The following KIAA1586 variants were observed in gnomAD, a reference collection of about 807,000 sequenced individuals.
The protein encoded by KIAA1586 is KIAA1586.
A neutral mutation model predicts 6.1 loss-of-function variants in KIAA1586; 5 were observed. The observed-to-expected ratio is 0.82, with a 90% CI of 0.43 to 1.73. The LOEUF (loss-of-function observed/expected upper bound fraction) is 1.73. Ranked by LOEUF, KIAA1586 falls within the 40% of genes most tolerant of loss-of-function variation. The probability of loss-of-function intolerance (pLI) is 0.02; values close to 1 mark genes in which losing one functional copy is unlikely to be tolerated. For missense variants in KIAA1586, 899 were observed against 878.2 expected, an observed-to-expected ratio of 1.02 and a Z score of -0.30; for synonymous variants, 280 against 301.7, an observed-to-expected ratio of 0.93 and a Z score of 0.75.
the KIAA1586 span, among the ~76,000 whole-genome samples, chr6:57,065,257 A>C: frequency 2.0e-5 from 3 of 151,964 alleles, no homozygotes; most frequent in African/African-American, 7.3e-5. Context: ...TTTTGTTCCT[A>C]ATTTTTCCTT....
At chr6:57,046,872 C>T in intron 1 of KIAA1586, 96 bp downstream of exon 1, 1 of 1,486,768 alleles carries the variant, frequency 6.7e-7, no homozygotes, top group Non-Finnish European at 9.1e-7. Context: ...GTCGCAGCCT[C>T]GGGGCGATAC....
rs766506918 is a variant in KIAA1586, at chr6:57,054,465, T to G, written c.1966T>G (p.Phe656Val). ...SPWIAGEKTL[F>V]HLCKILKYEV... ...ATGGATAGCTGGTGAAAAAACATTA[T>G]TTCATTTGTGTAAAATTTTAAAATA... Residue 656 changes from phenylalanine to valine, a missense_variant, in exon 4 of 4, where the codon TTT (phenylalanine) becomes GTT (valine). Transcript: ENST00000370733. 6.2e-6 allele frequency: 10 copies of G among 1,602,976 alleles called. No homozygotes were observed. Among genetic ancestry groups the G allele is most frequent in the Non-Finnish European group, 7.7e-6 (9 of 1,175,810 alleles).
Position 57,054,547 on chromosome 6 carries a change from A to G in KIAA1586, c.2048A>G (p.Asn683Ser), listed in dbSNP as rs144338352. ...GTAAATAATAATATAAAATCAAACAATGTTTCAATTCCTACAACTATATAC... is the reference window on the plus strand; with the variant it reads ...GTAAATAATAATATAAAATCAAACAGTGTTTCAATTCCTACAACTATATAC... ...EFVNNNIKSN[N>S]VSIPTTIYKA... Residue 683 changes from asparagine to serine, a missense_variant, in exon 4 of 4, where the codon AAT (asparagine) becomes AGT (serine). Coordinates refer to ENST00000370733, the MANE Select transcript of KIAA1586 (RefSeq NM_020931.4). The G allele has an allele frequency of 2.1e-4, 333 of 1,602,414 alleles. 1 individual carries two copies. The African/African-American group carries it at 2.6e-3, about 12-fold the overall frequency.
At position 57,054,118 on chromosome 6, in the gene KIAA1586, C is replaced by G. The variant is rs1438334305; in HGVS notation, c.1619C>G (p.Ser540Ter). 12 of 1,607,286 alleles carry G rather than the reference C, an allele frequency of 7.5e-6. No homozygotes were observed. The highest frequency in any genetic ancestry group is 2.2e-5 in the East Asian group (1 of 44,814). The change falls in exon 4 of 4, where the codon TCA becomes TGA. Residue 540 changes from serine to a stop codon, truncating the protein, a stop_gained. Coordinates refer to ENST00000370733, the MANE Select transcript of KIAA1586 (RefSeq NM_020931.4). LOFTEE classifies it low-confidence loss of function (END_TRUNC). Reference sequence around the variant, plus strand: ...ATTCTTGAAGAATTTTCAGTACTTTCAACTGCATTACAGTCAAGATCAACT... The same window carrying G: ...ATTCTTGAAGAATTTTCAGTACTTTGAACTGCATTACAGTCAAGATCAACT... ...IDILEEFSVL[S>*]TALQSRSTNI...
rs1828367080 is a variant in KIAA1586, at chr6:57,052,836, C to G, written c.337C>G (p.Gln113Glu). ...GGAACCACATTTCGAGTATATTGAACAACCAATCATTGAAGAAAAGCCATC... is the reference window on the plus strand; with the variant it reads ...GGAACCACATTTCGAGTATATTGAAGAACCAATCATTGAAGAAAAGCCATC... ...AKEPHFEYIE[Q>E]PIIEEKPSLS... is the part of the protein sequence containing the mutation. The change falls in exon 4 of 4, where the codon CAA becomes GAA. Residue 113 changes from glutamine to glutamate, a missense_variant. Transcript: ENST00000370733. 6.2e-7 allele frequency: 1 copy of G among 1,613,260 alleles called. No homozygotes were observed.
chr6:57,054,472 T>G lies in KIAA1586; in HGVS notation c.1973T>G (p.Leu658Trp). The change falls in exon 4 of 4, where the codon TTG (leucine) becomes TGG (tryptophan). Residue 658 changes from leucine (L) to tryptophan (W), a missense_variant. Coordinates refer to ENST00000370733, the MANE Select transcript of KIAA1586 (RefSeq NM_020931.4). ...GCTGGTGAAAAAACATTATTTCATT[T>G]GTGTAAAATTTTAAAATATGAAGTT... The part of the protein sequence containing the change: ...WIAGEKTLFH[L>W]CKILKYEVDL... 1.3e-6 allele frequency: 2 copies of G among 1,599,888 alleles called. No individual in the cohort carries two copies. Among genetic ancestry groups the G allele is most frequent in the Non-Finnish European group, 1.7e-6 (2 of 1,174,652 alleles).
chr6:57,052,867 C>A lies in KIAA1586; in HGVS notation c.368C>A (p.Ser123Ter), dbSNP rs200733855. The A allele has an allele frequency of 6.2e-7, 1 of 1,612,778 alleles. No individual in the cohort carries two copies. Reference sequence around the variant, plus strand: ...ATCATTGAAGAAAAGCCATCACTTTCATCAAAGAAAGAAATAGATAATCTT... The same window carrying A: ...ATCATTGAAGAAAAGCCATCACTTTAATCAAAGAAAGAAATAGATAATCTT... ...QPIIEEKPSL[S>*]SKKEIDNLVL... The change falls in exon 4 of 4, where the codon TCA (serine) becomes TAA (stop). Residue 123 changes from serine (S) to a stop codon, truncating the protein, a stop_gained. Coordinates refer to ENST00000370733, the MANE Select transcript of KIAA1586 (RefSeq NM_020931.4). LOFTEE classifies it low-confidence loss of function (END_TRUNC).
At chr6:57,062,244 T>C in the KIAA1586 span, among the ~76,000 whole-genome samples, 295 of 152,348 alleles carry the variant, frequency 1.9e-3, 1 homozygote, top group Non-Finnish European at 3.5e-3. Context: ...CCTAGTTTTC[T>C]TTTGGTTTTA....
chr6:57,048,576 A>G (rs1322198637), intron 2 of KIAA1586, among the ~76,000 whole-genome samples: 1 of 152,190 alleles, frequency 6.6e-6, no homozygotes, highest in Non-Finnish European at 1.5e-5. Flanking sequence ...GTTATGGAGT[A>G]AGCAACGTAA....
In KIAA1586 at chr6:57,054,804, C is replaced by T. The variant is rs147711565; in HGVS notation, c.2305C>T (p.Arg769Trp). The T allele has an allele frequency of 3.3e-4, 516 of 1,550,810 alleles. 4 individuals carry two copies. In the East Asian group the frequency reaches 8.5e-3, roughly 26 times the overall value. ...CAGGTTGGCTACAGATACAAGAGTT[C>T]GGCAAAAGTCAACAAAAGTCTTCCA... ...NHRLATDTRV[R>W]QKSTKVFHEN... The change falls in exon 4 of 4, where the codon CGG becomes TGG. Residue 769 changes from arginine (R) to tryptophan (W), a missense_variant. Physicochemically the swap from Arg to Trp is moderately radical, Grantham distance 101. Coordinates refer to ENST00000370733, the MANE Select transcript of KIAA1586 (RefSeq NM_020931.4).
Position 57,054,562 on chromosome 6 carries a change from C to A in KIAA1586, c.2063C>A (p.Thr688Lys). The A allele has an allele frequency of 6.2e-7, 1 of 1,606,794 alleles. No homozygotes were observed. The highest frequency in any genetic ancestry group is 8.5e-7 in the Non-Finnish European group (1 of 1,175,838). ...AAATCAAACAATGTTTCAATTCCTA[C>A]AACTATATACAAAGCTAAAAAGATA... is the stretch of plus-strand genomic sequence containing the variant. The part of the protein sequence containing the change: ...NIKSNNVSIP[T>K]TIYKAKKIVS... Residue 688 changes from threonine (T) to lysine (K), a missense_variant, in exon 4 of 4, where the codon ACA (threonine) becomes AAA (lysine). Coordinates refer to ENST00000370733, the MANE Select transcript of KIAA1586 (RefSeq NM_020931.4).
At chr6:57,057,069 A>T (rs1185926423), downstream of KIAA1586, among the ~76,000 whole-genome samples, 1 of 151,944 alleles carries the variant, frequency 6.6e-6, no homozygotes. Flanking sequence ...TCTACTAAAA[A>T]TACAAAAAAT....
At chr6:57,052,263 A>G (rs958907835) in intron 3 of KIAA1586, among the ~76,000 whole-genome samples, 3 of 152,224 alleles carry the variant, frequency 2.0e-5, no homozygotes, top group Non-Finnish European at 2.9e-5. Flanking sequence ...CTTTTATGGC[A>G]TTGATATTAT....
intron 1 of KIAA1586, 118 bp downstream of exon 1, chr6:57,046,894 C>G (rs1482018223): frequency 7.2e-7 from 1 of 1,380,882 alleles, no homozygotes; most frequent in African/African-American, 1.6e-5. Context: ...TCTTCAGTGT[C>G]TTGGGCCGAG....
chr6:57,046,814 C>T, intron 1 of KIAA1586, 38 bp downstream of exon 1: 1 of 1,604,642 alleles, frequency 6.2e-7, no homozygotes, highest in Non-Finnish European at 8.5e-7. Context: ...TTCTCAGAGG[C>T]GAACCGCGAA....
chr6:57,046,889 A>G, intron 1 of KIAA1586, 113 bp downstream of exon 1: 1 of 1,423,150 alleles, frequency 7.0e-7, no homozygotes, highest in South Asian at 1.3e-5. Flanking sequence ...ATACCTCTTC[A>G]GTGTCTTGGG....
rs1828413676 is a variant in KIAA1586 at position 57,053,806 on chromosome 6, A to C, written c.1307A>C (p.Gln436Pro). Residue 436 changes from glutamine (Q) to proline (P), a missense_variant, in exon 4 of 4, where the codon CAA (glutamine) becomes CCA (proline). By Grantham distance (76) the Gln-to-Pro change is moderately conservative. Coordinates refer to ENST00000370733, the MANE Select transcript of KIAA1586 (RefSeq NM_020931.4). ...SLDDSISEIK[Q>P]INHLKIFIDK... ...GATGATTCTATATCCGAAATAAAAC[A>C]AATTAATCATTTAAAAATATTTATT... 2.7e-5 allele frequency: 41 copies of C among 1,520,522 alleles called. No individual in the cohort carries two copies. Among genetic ancestry groups the C allele is most frequent in the Non-Finnish European group, 3.6e-5 (41 of 1,124,548 alleles). 94.2% of individuals were successfully genotyped at this position (1,520,522 alleles called of 1,614,324 possible).
intron 2 of KIAA1586, 70 bp from the exon 3 acceptor site, chr6:57,050,704 C>A: frequency 9.1e-7 from 1 of 1,093,338 alleles, no homozygotes; most frequent in Non-Finnish European, 1.4e-6. Flanking sequence ...AAATCTCCCA[C>A]TGATTGTTAA....
At chr6:57,066,326 G>T in the KIAA1586 span, among the ~76,000 whole-genome samples, 1 of 152,040 alleles carries the variant, frequency 6.6e-6, no homozygotes, top group African/African-American at 2.4e-5. Flanking sequence ...CTTGTTTTCT[G>T]ATTGTTTCCT....
Sources: gnomAD v4.1 joint callset for allele counts (sites outside exome capture counted in the v4.1 genomes callset) on GRCh38, gnomAD v4.1.1 for gene constraint, MANE v1.5 for transcripts, NCBI Gene and HGNC (gene_info 2026-07-23, HGNC 2026-07-21) for gene names.